Variants in LRRC56 observed in about 807,000 individuals in gnomAD.
LRRC56 encodes the protein leucine-rich repeat-containing protein 56.
In LRRC56, 41 loss-of-function variants were observed where a neutral mutation model predicts 47.8. The ratio of observed to expected loss-of-function variants is 0.86; its 90% CI spans 0.67 to 1.11. The LOEUF (loss-of-function observed/expected upper bound fraction) is 1.11, where lower values mean the gene tolerates loss of function less well. Among genes scored for constraint, LRRC56 ranks in the 50% most tolerant of loss-of-function variants. The pLI, the probability that LRRC56 is intolerant of heterozygous loss-of-function variation, is 0.00. For missense variants in LRRC56, 759 were observed against 704.2 expected, an observed-to-expected ratio of 1.08 and a Z score of -0.88; for synonymous variants, 387 against 311.2, an observed-to-expected ratio of 1.24 and a Z score of -2.56.
chr11:544,305 G>A lies in LRRC56; in HGVS notation c.266-415G>A, dbSNP rs373491552. 7.8e-4 allele frequency among the ~76,000 whole-genome samples: 119 copies of A among 152,314 alleles called. 3 individuals carry two copies. The highest frequency in any genetic ancestry group is 2.7e-3 in the African/African-American group (112 of 41,556). ...AGCCAAGGGAGCACCACCCAGCCAC[G>A]CCAGCCTGGCCCCAGTTCTCTGAGC... is the stretch of plus-strand genomic sequence containing the variant. On this transcript the variant is annotated intron_variant, in intron 5 of 13. Coordinates refer to ENST00000270115, the MANE Select transcript of LRRC56 (RefSeq NM_198075.4).
chr11:520,337 T>C, the LRRC56 span, among the ~76,000 whole-genome samples: 2 of 152,120 alleles, frequency 1.3e-5, no homozygotes, highest in Non-Finnish European at 2.9e-5. Context: ...ATTTTTTTTT[T>C]TTATGGGGAA....
chr11:554,296 C>G lies in LRRC56; in HGVS notation c.*20C>G, dbSNP rs929524987. On this transcript the variant is annotated 3_prime_UTR_variant, in exon 14 of 14. Transcript: ENST00000270115. ...ACTTAATATAGCCCCCACTGCCAGG[C>G]TTCCCTGTGCTGGGGCCACGACTTG... is the stretch of plus-strand genomic sequence containing the variant. 50 of 1,474,900 alleles carry G rather than the reference C, an allele frequency of 3.4e-5. No homozygotes were observed. Among genetic ancestry groups the G allele is most frequent in the Non-Finnish European group, 4.5e-5 (50 of 1,116,886 alleles). The allele number at this position is 1,474,900 out of a possible 1,614,324, so 91.4% of individuals were successfully genotyped here.
In LRRC56 at chr11:539,664, G is replaced by A. The variant is rs1851699244; in HGVS notation, c.-74G>A. The A allele has an allele frequency of 6.6e-6, 1 of 151,976 alleles. No homozygotes were observed. Among genetic ancestry groups the A allele is most frequent in the South Asian group, 2.1e-4 (1 of 4,832 alleles). The allele number at this position is 151,976 out of a possible 1,614,324, so 9.4% of individuals were successfully genotyped here. A position where few individuals can be genotyped will look rare whatever the true frequency, so the allele number is the denominator to read the frequency against. ...GCCCGCCGCGGCCTCCCAAAGTGCT[G>A]GGATTACAGGCGTGAGCCACTGCGC... is the stretch of plus-strand genomic sequence containing the variant. On this transcript the variant is annotated 5_prime_UTR_variant, in exon 3 of 14. Transcript: ENST00000270115.
At chr11:525,293 A>G in the LRRC56 span, among the ~76,000 whole-genome samples, 2 of 151,730 alleles carry the variant, frequency 1.3e-5, no homozygotes, top group East Asian at 3.9e-4. Context: ...TAATCCCAGC[A>G]CTTTGGGAGG....
the LRRC56 span, chr11:507,172 G>A: frequency 6.6e-6 from 1 of 152,210 alleles, no homozygotes; most frequent in Non-Finnish European, 1.5e-5. Flanking sequence ...GGCCTACTTC[G>A]TTCTCGAGCC....
At chr11:548,451 T>TTTTGTTTGTTTG (rs56130745) in intron 6 of LRRC56, among the ~76,000 whole-genome samples, 6,629 of 150,816 alleles carry the variant, frequency 0.044, 217 homozygotes, top group South Asian at 0.11. Context: ...CAGCCTCAAG[T>TTTTGTTTGTTTG]TTTGTTTGTT....
At chr11:520,933 T>C in the LRRC56 span, among the ~76,000 whole-genome samples, 5 of 152,338 alleles carry the variant, frequency 3.3e-5, no homozygotes, top group African/African-American at 9.6e-5. Context: ...ATTGTCCATA[T>C]TGAGACCGCG....
chr11:551,568 T>C (rs796762794), intron 9 of LRRC56, 83 bp from the exon 10 acceptor site: 40 of 1,448,416 alleles, frequency 2.8e-5, no homozygotes, highest in Admixed American at 2.3e-4. Context: ...AGCATGGGGA[T>C]TGGGGCCCCT....
chr11:537,658 C>G (rs1589799718), intron 1 of LRRC56, 53 bp downstream of exon 1: 1 of 152,282 alleles, frequency 6.6e-6, no homozygotes, highest in African/African-American at 2.4e-5. Context: ...GCCCTATGAC[C>G]GGTGCCAGGA....
At chr11:532,814 G>A (rs948778387), upstream of LRRC56, 78 of 1,552,018 alleles carry the variant, frequency 5.0e-5, no homozygotes, top group South Asian at 4.0e-4. Context: ...CCTGGGTGAG[G>A]GGCTCCCTGC....
the LRRC56 span, among the ~76,000 whole-genome samples, chr11:525,344 C>A: frequency 6.6e-6 from 1 of 151,982 alleles, no homozygotes; most frequent in Non-Finnish European, 1.5e-5. Context: ...TCGAGACCAT[C>A]CTGGCTAACA....
rs763867090 is a variant in LRRC56, at chr11:554,054, G to A, written c.1407G>A (p.Ser469=). The change falls in exon 14 of 14, where the codon TCG becomes TCA. Residue 469 remains serine, a synonymous_variant. Coordinates refer to ENST00000270115, the MANE Select transcript of LRRC56 (RefSeq NM_198075.4). ...RDSGSSSPRW[S]TDLQSRGRRL... The stretch of plus-strand genomic sequence containing the variant: ...CTGGCAGCAGCTCCCCGCGGTGGTC[G>A]ACAGACCTGCAGTCCAGGGGGCGTC... The A allele has an allele frequency of 2.0e-5, 32 of 1,611,180 alleles. No individual in the cohort carries two copies. Among genetic ancestry groups the A allele is most frequent in the East Asian group, 2.2e-5 (1 of 44,856 alleles).
At position 544,105 on chromosome 11, in the gene LRRC56, C is replaced by T. The variant is rs147480326; in HGVS notation, c.266-615C>T. 3.6e-3 allele frequency among the ~76,000 whole-genome samples: 550 copies of T among 152,354 alleles called. 2 individuals carry two copies. Among genetic ancestry groups the T allele is most frequent in the Middle Eastern group, 0.01 (3 of 294 alleles). The stretch of plus-strand genomic sequence containing the variant: ...TGTCTGCCTCACAGGGGCATATGCC[C>T]CATCCTACAAAAGACTCCGAACGCA... On this transcript the variant is annotated intron_variant, in intron 5 of 13. Transcript: ENST00000270115.
At chr11:534,443 A>G, upstream of LRRC56, 1 of 785,654 alleles carries the variant, frequency 1.3e-6, no homozygotes, top group Non-Finnish European at 2.1e-6. Flanking sequence ...AGCTGCTGGC[A>G]GGGCCATCTG....
the LRRC56 span, among the ~76,000 whole-genome samples, chr11:513,146 T>G: frequency 6.6e-6 from 1 of 152,234 alleles, no homozygotes; most frequent in Non-Finnish European, 1.5e-5. Flanking sequence ...CTGTTTTGTT[T>G]TGTTTTTCTT....
rs1851798567 is a variant in LRRC56, at chr11:541,604, A to G, written c.245A>G (p.Glu82Gly). The G allele has an allele frequency of 1.3e-6, 2 of 1,581,618 alleles. No individual in the cohort carries two copies. Among genetic ancestry groups the G allele is most frequent in the African/African-American group, 1.4e-5 (1 of 73,346 alleles). ...RTLEMCVDTR[E>G]GSLGNFGVHL... ...CTGGAGATGTGTGTGGACACTCGTG[A>G]GGGCAGCCTGGGGAACTTTGGTGAG... The change falls in exon 5 of 14, where the codon GAG becomes GGG. Residue 82 changes from glutamate to glycine, a missense_variant. Coordinates refer to ENST00000270115, the MANE Select transcript of LRRC56 (RefSeq NM_198075.4). The surrounding 1 kb of genome is among the most constrained non-coding windows in gnomAD (Gnocchi z 4.1).
chr11:512,147 T>C, the LRRC56 span, among the ~76,000 whole-genome samples: 1 of 152,098 alleles, frequency 6.6e-6, no homozygotes, highest in Non-Finnish European at 1.5e-5. Context: ...TTTCACCACG[T>C]TGGACAGGCT....
upstream of LRRC56, chr11:533,352 G>A (rs748089446): frequency 1.2e-5 from 20 of 1,606,246 alleles, no homozygotes; most frequent in South Asian, 8.8e-5. Context: ...GAGCCAGAGC[G>A]GCTGCCCTGT....
the LRRC56 span, among the ~76,000 whole-genome samples, chr11:521,491 C>T: frequency 6.6e-6 from 1 of 152,096 alleles, no homozygotes; most frequent in Non-Finnish European, 1.5e-5. Context: ...GTATTTTTGG[C>T]AGGGACGGGA....
Sources: gnomAD v4.1 joint callset for allele counts (sites outside exome capture counted in the v4.1 genomes callset) on GRCh38, gnomAD v4.1.1 for gene constraint, Gnocchi (gnomAD v3.1) non-coding constraint, MANE v1.5 for transcripts, NCBI Gene and HGNC (gene_info 2026-07-23, HGNC 2026-07-21) for gene names.